The following PCSK2 variants were observed in gnomAD, a reference collection of about 807,000 sequenced individuals.
PCSK2 encodes the protein neuroendocrine convertase 2.
PCSK2 carries 14 observed loss-of-function variants against 69.7 expected under a neutral mutation model. The observed-to-expected ratio is 0.20, with a 90% confidence interval of 0.13 to 0.31. The LOEUF is 0.31. Among genes scored for constraint, PCSK2 ranks in the 10% least tolerant of loss-of-function variants. PCSK2 has a pLI of 1.00. For missense variants in PCSK2, 544 were observed against 842.5 expected (o/e 0.65, Z 4.39); for synonymous variants, 307 against 320.7 (o/e 0.96, Z 0.46).
rs186743843 is a variant in PCSK2, at chr20:17,440,121, C to G, written c.885+3238C>G. 3.5e-4 allele frequency among the ~76,000 whole-genome samples: 53 copies of G among 152,318 alleles called. 1 individual carries two copies. The East Asian group carries it at 7.3e-3, about 21-fold the overall frequency. ...TGAGTTTTAACCTCAGTCCTGCCCC[C>G]CATTGGCTGGGGAACTTCAGACTAG... On this transcript the variant is annotated intron_variant, in intron 8 of 11. Coordinates refer to ENST00000262545, the MANE Select transcript of PCSK2 (RefSeq NM_002594.5).
Position 17,227,439 on chromosome 20 carries a change from A to G in PCSK2, c.134A>G (p.Lys45Arg), listed in dbSNP as rs866442961. Residue 45 changes from lysine to arginine, a missense_variant, in exon 1 of 12, where the codon AAA (lysine) becomes AGA (arginine). By Grantham distance (26) the Lys-to-Arg change is conservative. Transcript: ENST00000262545. ...LVELHKGGED[K>R]ARQVAAEHGF... ...GAGTTGCATAAAGGGGGAGAGGACA[A>G]AGCTCGCCAAGTTGCAGCAGAACAC... 4 of 1,613,830 alleles carry G rather than the reference A, an allele frequency of 2.5e-6. No homozygotes were observed. In the African/African-American group the frequency reaches 4.0e-5, roughly 16 times the overall value.
intron 2 of PCSK2, among the ~76,000 whole-genome samples, chr20:17,318,960 TTA>T (rs1332352805): frequency 6.6e-6 from 1 of 152,192 alleles, no homozygotes; most frequent in African/African-American, 2.4e-5. Context: ...CCCCATCTTG[TTA>T]TGTGTAATGC....
chr20:17,384,246 G>A (rs1177736398), intron 5 of PCSK2, among the ~76,000 whole-genome samples: 1 of 151,956 alleles, frequency 6.6e-6, no homozygotes, highest in African/African-American at 2.4e-5. Flanking sequence ...TTGGGTCTGA[G>A]GAAAAGCACT....
intron 8 of PCSK2, among the ~76,000 whole-genome samples, chr20:17,448,149 A>G (rs1162158260): frequency 6.6e-6 from 1 of 152,216 alleles, no homozygotes; most frequent in Non-Finnish European, 1.5e-5. Context: ...AATTACTATA[A>G]TTGTTTACAA....
chr20:17,244,589 C>A (rs997308929), intron 1 of PCSK2, among the ~76,000 whole-genome samples: 2 of 152,162 alleles, frequency 1.3e-5, no homozygotes, highest in Non-Finnish European at 2.9e-5. Flanking sequence ...AGGAGTGGAG[C>A]TAGATTTTCG....
chr20:17,384,463 A>G (rs760106635), intron 5 of PCSK2, among the ~76,000 whole-genome samples: 62 of 149,020 alleles, frequency 4.2e-4, no homozygotes, highest in Admixed American at 2.0e-3. Context: ...TTAGCCGGGC[A>G]TGGTGTCACA....
intron 6 of PCSK2, among the ~76,000 whole-genome samples, chr20:17,426,223 A>G (rs367991916): frequency 2.0e-5 from 3 of 152,018 alleles, no homozygotes; most frequent in African/African-American, 7.3e-5. Context: ...GTCTTACAAG[A>G]TCTGATGGTT....
intron 10 of PCSK2, among the ~76,000 whole-genome samples, chr20:17,460,222 CAAAT>C (rs1011959111): frequency 4.3e-4 from 64 of 147,160 alleles, no homozygotes; most frequent in African/African-American, 1.6e-3. Context: ...AATAAATAAA[CAAAT>C]AAAAGAGAGA....
At chr20:17,316,762 T>C (rs1490125276) in intron 2 of PCSK2, among the ~76,000 whole-genome samples, 1 of 152,196 alleles carries the variant, frequency 6.6e-6, no homozygotes, top group Non-Finnish European at 1.5e-5. Flanking sequence ...GATGTTGTAG[T>C]TGTGAAATGT....
intron 2 of PCSK2, among the ~76,000 whole-genome samples, chr20:17,346,948 A>C (rs1310835052): frequency 6.6e-6 from 1 of 152,026 alleles, no homozygotes. Flanking sequence ...CTCCCTAATT[A>C]CATTGATTTA....
intron 2 of PCSK2, among the ~76,000 whole-genome samples, chr20:17,290,092 T>C (rs1314114427): frequency 1.3e-5 from 2 of 152,266 alleles, no homozygotes; most frequent in African/African-American, 2.4e-5. Context: ...TCTTATTTTA[T>C]TTTAATTTGC....
intron 2 of PCSK2, among the ~76,000 whole-genome samples, chr20:17,321,882 T>A (rs557388262): frequency 6.6e-6 from 1 of 152,194 alleles, no homozygotes; most frequent in African/African-American, 2.4e-5. Context: ...GATTTTGAAG[T>A]GAGATGGTTT....
intron 7 of PCSK2, among the ~76,000 whole-genome samples, chr20:17,436,305 G>A (rs1420401576): frequency 6.6e-6 from 1 of 151,760 alleles, no homozygotes; most frequent in Non-Finnish European, 1.5e-5. Flanking sequence ...ATCAAATATT[G>A]ATTGCCTCCC....
At chr20:17,345,404 G>A (rs960801942) in intron 2 of PCSK2, among the ~76,000 whole-genome samples, 3 of 152,078 alleles carry the variant, frequency 2.0e-5, no homozygotes, top group Non-Finnish European at 2.9e-5. Context: ...CATCATGTCC[G>A]TGCTATACAC....
At chr20:17,470,489 G>A (rs994378736) in intron 11 of PCSK2, among the ~76,000 whole-genome samples, 3 of 152,118 alleles carry the variant, frequency 2.0e-5, no homozygotes, top group Non-Finnish European at 2.9e-5. Context: ...AGATGAGACT[G>A]CAAGAAAGGC....
intron 1 of PCSK2, among the ~76,000 whole-genome samples, chr20:17,238,059 C>T (rs545556105): frequency 3.3e-5 from 5 of 152,212 alleles, no homozygotes; most frequent in South Asian, 2.1e-4. Context: ...GAGGCTGGCA[C>T]CCACAAAATG....
At chr20:17,402,120 T>C (rs2031651851) in intron 5 of PCSK2, among the ~76,000 whole-genome samples, 1 of 152,196 alleles carries the variant, frequency 6.6e-6, no homozygotes. Flanking sequence ...GCCTCGGCTG[T>C]TACTTAGAGC....
chr20:17,247,566 A>G (rs1986814199), intron 1 of PCSK2, among the ~76,000 whole-genome samples: 1 of 152,228 alleles, frequency 6.6e-6, no homozygotes, highest in African/African-American at 2.4e-5. Context: ...AACACAAAGA[A>G]AGCAGCCAAA....
intron 3 of PCSK2, among the ~76,000 whole-genome samples, chr20:17,359,979 G>A (rs2030335150): frequency 6.6e-6 from 1 of 152,206 alleles, no homozygotes. Context: ...TGCACTAAAG[G>A]TGAGCCAGTT....
Sources: allele counts gnomAD v4.1 joint callset (sites outside exome capture counted in the v4.1 genomes callset), GRCh38; gene constraint gnomAD v4.1.1; transcripts MANE v1.5; gene names NCBI Gene and HGNC (gene_info 2026-07-23, HGNC 2026-07-21).